SHOC1: variants seen among roughly 807,000 people sequenced by gnomAD.
The protein encoded by SHOC1 is protein shortage in chiasmata 1 ortholog.
A neutral mutation model predicts 179.2 loss-of-function variants in SHOC1; 136 were observed. The observed-to-expected ratio is 0.76, with a 90% CI of 0.66 to 0.87. SHOC1 has a LOEUF of 0.87. Ranked by LOEUF, SHOC1 falls within the 40% of genes least tolerant of loss-of-function variation. The probability of loss-of-function intolerance (pLI) is 0.00; values close to 1 mark genes in which losing one functional copy is unlikely to be tolerated. For synonymous variants in SHOC1, 489 were observed against 586.6 expected, an observed-to-expected ratio of 0.83 and a Z score of 2.41; for missense variants, 1,538 against 1,700.8, an observed-to-expected ratio of 0.90 and a Z score of 1.68.
chr9:111,687,628 A>G (rs1831236151), intron 27 of SHOC1, among the ~76,000 whole-genome samples: 1 of 152,226 alleles, frequency 6.6e-6, no homozygotes, highest in African/African-American at 2.4e-5. Flanking sequence ...TAATTAGGAT[A>G]TAAGTTAGAG....
At chr9:111,781,922 G>A (rs2131635591) in intron 3 of SHOC1, among the ~76,000 whole-genome samples, 1 of 152,034 alleles carries the variant, frequency 6.6e-6, no homozygotes, top group African/African-American at 2.4e-5. Flanking sequence ...CTAAGCCTGT[G>A]CCTCATTGAA....
chr9:111,775,363 C>T (rs1317990680), intron 5 of SHOC1, among the ~76,000 whole-genome samples: 1 of 152,156 alleles, frequency 6.6e-6, no homozygotes, highest in Non-Finnish European at 1.5e-5. Context: ...AATACTGGAA[C>T]TATTCCATCT....
chr9:111,763,304 A>G (rs1203117275), intron 5 of SHOC1, among the ~76,000 whole-genome samples: 8 of 152,108 alleles, frequency 5.3e-5, no homozygotes, highest in Non-Finnish European at 2.9e-5. Flanking sequence ...GAAGTGCATA[A>G]AAGTATCTAC....
chr9:111,741,030 A>C (rs1165617982), intron 11 of SHOC1, among the ~76,000 whole-genome samples: 1 of 152,174 alleles, frequency 6.6e-6, no homozygotes, highest in Non-Finnish European at 1.5e-5. Flanking sequence ...GCTGGGACTA[A>C]AGGTGCGCTC....
At chr9:111,746,527 G>C (rs1236291926) in intron 9 of SHOC1, among the ~76,000 whole-genome samples, 185 bp from the exon 10 acceptor site, 4 of 152,108 alleles carry the variant, frequency 2.6e-5, no homozygotes, top group African/African-American at 9.7e-5. Flanking sequence ...AAATTAGCCA[G>C]CAGTGGTGGC....
intron 5 of SHOC1, among the ~76,000 whole-genome samples, chr9:111,773,558 C>T (rs1022091085): frequency 3.9e-5 from 6 of 152,230 alleles, no homozygotes; most frequent in African/African-American, 9.6e-5. Flanking sequence ...GTGATCCACC[C>T]GCCTCAGTCT....
chr9:111,723,954 G>C, intron 13 of SHOC1, 43 bp from the exon 14 acceptor site: 1 of 1,377,990 alleles, frequency 7.3e-7, no homozygotes, highest in Non-Finnish European at 9.8e-7. Context: ...TTGTTCAAGA[G>C]AAACTTAATG....
chr9:111,791,427 T>A lies in SHOC1; in HGVS notation c.-9A>T. ...TTCAATGCTGAAAACATATCTTCTT[T>A]CTTTCAAAGCAGTGTAAATTTCAAC... is the stretch of plus-strand genomic sequence containing the variant. On this transcript the variant is annotated 5_prime_UTR_variant, in exon 2 of 28. Coordinates refer to ENST00000682961, the MANE Select transcript of SHOC1 (RefSeq NM_001378211.1). 6.8e-7 allele frequency: 1 copy of A among 1,467,916 alleles called. No homozygotes were observed. Among genetic ancestry groups the A allele is most frequent in the Non-Finnish European group, 9.1e-7 (1 of 1,103,688 alleles). 90.9% of individuals were successfully genotyped at this position (1,467,916 alleles called of 1,614,324 possible). A position where few individuals can be genotyped will look rare whatever the true frequency, so the allele number is the denominator to read the frequency against.
intron 3 of SHOC1, chr9:111,783,598 T>G (rs559248): frequency 6.6e-6 from 1 of 152,068 alleles, no homozygotes; most frequent in Non-Finnish European, 1.5e-5. Flanking sequence ...CTGTCCTAGG[T>G]CTTCTAATCT....
chr9:111,782,660 A>T (rs1836111172), intron 3 of SHOC1, among the ~76,000 whole-genome samples: 1 of 152,134 alleles, frequency 6.6e-6, no homozygotes. Flanking sequence ...ACATTGACAG[A>T]TGATAATAGT....
intron 12 of SHOC1, among the ~76,000 whole-genome samples, chr9:111,733,242 T>C (rs1348616219): frequency 2.0e-5 from 3 of 152,268 alleles, no homozygotes; most frequent in Non-Finnish European, 4.4e-5. Flanking sequence ...CAATCTTTGC[T>C]TGTATAGATG....
intron 12 of SHOC1, among the ~76,000 whole-genome samples, chr9:111,734,395 C>G (rs1310903046): frequency 6.6e-6 from 1 of 152,112 alleles, no homozygotes; most frequent in East Asian, 1.9e-4. Flanking sequence ...TTTTCTTTGT[C>G]TACTAACCTG....
rs1308571827 is a variant in SHOC1, at chr9:111,738,813, G to C, written c.1175-291C>G. Among the ~76,000 whole-genome samples, 7 of 152,212 alleles carry C rather than the reference G, an allele frequency of 4.6e-5. No individual in the cohort carries two copies. In the East Asian group the frequency reaches 1.2e-3, roughly 25 times the overall value. On this transcript the variant is annotated intron_variant, in intron 11 of 27. Coordinates refer to ENST00000682961, the MANE Select transcript of SHOC1 (RefSeq NM_001378211.1). ...AGTAGAAGGAAATCTTATTTTGTTTGACCATTTTCAATTATTAAATTAATG... is the reference window on the plus strand; with the variant it reads ...AGTAGAAGGAAATCTTATTTTGTTTCACCATTTTCAATTATTAAATTAATG...
chr9:111,730,704 C>A (rs1273376625), intron 12 of SHOC1, among the ~76,000 whole-genome samples: 1 of 152,108 alleles, frequency 6.6e-6, no homozygotes, highest in Non-Finnish European at 1.5e-5. Flanking sequence ...TTCTTAAGGG[C>A]CTTAGGATTT....
chr9:111,721,537 A>C (rs577427663), intron 15 of SHOC1, among the ~76,000 whole-genome samples: 2 of 152,174 alleles, frequency 1.3e-5, no homozygotes, highest in East Asian at 3.9e-4. Context: ...ATGGGGTTTC[A>C]CCATGTTGGC....
chr9:111,729,779 C>A (rs1370779230), intron 12 of SHOC1, among the ~76,000 whole-genome samples: 1 of 151,858 alleles, frequency 6.6e-6, no homozygotes, highest in Non-Finnish European at 1.5e-5. Flanking sequence ...GTAGTCCCAG[C>A]TACTCAGGAG....
intron 16 of SHOC1, among the ~76,000 whole-genome samples, chr9:111,717,539 G>T (rs1832847470): frequency 6.6e-6 from 1 of 150,636 alleles, no homozygotes; most frequent in Admixed American, 6.6e-5. Flanking sequence ...GTTGCAGGTT[G>T]CAGTGAGATC....
intron 8 of SHOC1, among the ~76,000 whole-genome samples, chr9:111,750,894 C>A (rs534937083): frequency 3.2e-4 from 49 of 152,112 alleles, no homozygotes; most frequent in Admixed American, 7.9e-4. Flanking sequence ...TTGCTTTTGG[C>A]GTTTTCGTCA....
At chr9:111,777,800 A>G (rs1835889841) in intron 4 of SHOC1, among the ~76,000 whole-genome samples, 1 of 152,168 alleles carries the variant, frequency 6.6e-6, no homozygotes, top group Non-Finnish European at 1.5e-5. Context: ...CAAAATCAAT[A>G]TAACTCTCCA....
Sources: allele counts gnomAD v4.1 joint callset (sites outside exome capture counted in the v4.1 genomes callset), GRCh38; gene constraint gnomAD v4.1.1; transcripts MANE v1.5; gene names NCBI Gene and HGNC (gene_info 2026-07-23, HGNC 2026-07-21).